The following SCAI variants were observed in gnomAD, a reference collection of about 807,000 sequenced individuals.
SCAI encodes suppressor of cancer cell invasion, also known as protein SCAI.
Under a neutral mutation model 92.2 loss-of-function variants are expected in SCAI, and 24 were observed. The observed-to-expected ratio is 0.26, with a 90% CI of 0.19 to 0.37. The LOEUF (loss-of-function observed/expected upper bound fraction) is 0.37, where lower values mean the gene tolerates loss of function less well. Among genes scored for constraint, SCAI ranks in the 10% least tolerant of loss-of-function variants. SCAI has a pLI of 1.00. For synonymous variants in SCAI, 261 were observed against 258.6 expected (o/e 1.01, Z -0.09); for missense variants, 450 against 736.2 (o/e 0.61, Z 4.50).
chr9:124,959,125 G>C (rs543103787), intron 17 of SCAI, among the ~76,000 whole-genome samples: 1 of 151,522 alleles, frequency 6.6e-6, no homozygotes, highest in East Asian at 1.9e-4. Flanking sequence ...TGTTCAATGG[G>C]AGGGATAGCA....
At chr9:124,968,820 A>G in intron 17 of SCAI, 1 of 689,448 alleles carries the variant, frequency 1.5e-6, no homozygotes, top group East Asian at 2.7e-5. Flanking sequence ...GCAGCCATAG[A>G]GCGGGGCCAA....
At chr9:125,046,668 C>T (rs1385478439) in intron 3 of SCAI, among the ~76,000 whole-genome samples, 1 of 148,042 alleles carries the variant, frequency 6.8e-6, no homozygotes, top group Non-Finnish European at 1.5e-5. Context: ...ATTCATGTAA[C>T]CAAACACACC....
chr9:124,968,507 T>C, intron 17 of SCAI: 1 of 866,412 alleles, frequency 1.2e-6, no homozygotes, highest in Non-Finnish European at 2.0e-6. Flanking sequence ...CGTAGGTTGC[T>C]AGATCTCTAC....
At chr9:125,063,544 A>G (rs896592766) in intron 2 of SCAI, among the ~76,000 whole-genome samples, 2 of 152,170 alleles carry the variant, frequency 1.3e-5, no homozygotes, top group African/African-American at 4.8e-5. Flanking sequence ...GGATTTAAGA[A>G]AAAAAACTGA....
At chr9:125,030,912 A>G (rs1229401133) in intron 3 of SCAI, among the ~76,000 whole-genome samples, 2 of 152,234 alleles carry the variant, frequency 1.3e-5, no homozygotes, top group Non-Finnish European at 2.9e-5. Flanking sequence ...AGATTGAAAG[A>G]TACAACAATT....
intron 2 of SCAI, among the ~76,000 whole-genome samples, chr9:125,104,800 A>G (rs1281907248): frequency 6.6e-6 from 1 of 151,986 alleles, no homozygotes; most frequent in Non-Finnish European, 1.5e-5. Flanking sequence ...ACTACTAAAA[A>G]TACAAAAATT....
intron 3 of SCAI, among the ~76,000 whole-genome samples, chr9:125,052,641 A>T (rs1028152114): frequency 6.6e-6 from 1 of 152,160 alleles, no homozygotes; most frequent in African/African-American, 2.4e-5. Context: ...AGAAAGAAAG[A>T]AAGTAAAAGA....
chr9:125,053,570 T>C (rs576881565), intron 3 of SCAI, among the ~76,000 whole-genome samples: 76 of 152,306 alleles, frequency 5.0e-4, no homozygotes, highest in African/African-American at 1.7e-3. Flanking sequence ...CCACATATTG[T>C]ATGATTCCAA....
At chr9:125,102,794 C>T (rs1434309552) in intron 2 of SCAI, among the ~76,000 whole-genome samples, 3 of 152,054 alleles carry the variant, frequency 2.0e-5, no homozygotes, top group East Asian at 1.9e-4. Flanking sequence ...GGCGGGGTTT[C>T]GCCATGTTGG....
intron 2 of SCAI, among the ~76,000 whole-genome samples, chr9:125,134,016 C>A (rs954766865): frequency 6.6e-6 from 1 of 152,204 alleles, no homozygotes; most frequent in Non-Finnish European, 1.5e-5. Context: ...TTGAGAACCA[C>A]CCCTTAGTCT....
At chr9:125,097,930 CAAG>C (rs1834593828) in intron 2 of SCAI, among the ~76,000 whole-genome samples, 1 of 150,772 alleles carries the variant, frequency 6.6e-6, no homozygotes, top group Non-Finnish European at 1.5e-5. Flanking sequence ...AGAATGTATA[CAAG>C]AATATGAATA....
intron 2 of SCAI, among the ~76,000 whole-genome samples, chr9:125,096,213 A>C (rs539526125): frequency 1.3e-5 from 2 of 152,222 alleles, no homozygotes; most frequent in African/African-American, 2.4e-5. Flanking sequence ...CATGTCTTAC[A>C]TGGATGGCAG....
intron 2 of SCAI, among the ~76,000 whole-genome samples, chr9:125,124,595 C>T (rs1014059309): frequency 6.6e-6 from 1 of 152,202 alleles, no homozygotes; most frequent in Non-Finnish European, 1.5e-5. Flanking sequence ...GCCAGGTCTT[C>T]AAATGATTGG....
At chr9:125,001,472 A>G (rs576875304) in intron 12 of SCAI, among the ~76,000 whole-genome samples, 2 of 152,338 alleles carry the variant, frequency 1.3e-5, no homozygotes, top group East Asian at 3.9e-4. Flanking sequence ...AACAAAATAA[A>G]GGACAGAAAA....
intron 2 of SCAI, among the ~76,000 whole-genome samples, chr9:125,089,767 C>G (rs1470886303): frequency 1.3e-5 from 2 of 152,054 alleles, no homozygotes; most frequent in East Asian, 3.8e-4. Context: ...TGTAGTGGCA[C>G]AATCACAGCT....
intron 3 of SCAI, among the ~76,000 whole-genome samples, chr9:125,032,195 A>ATATTTTTTTT (rs1177865840): frequency 1.6e-4 from 16 of 99,442 alleles, no homozygotes; most frequent in African/African-American, 6.7e-4. Flanking sequence ...ATATATATAT[A>ATATTTTTTTT]TTTTTTTTTT....
rs1011931135 is a variant in SCAI at position 125,091,025 on chromosome 9, G to A, written c.99-35018C>T. Among the ~76,000 whole-genome samples, 1 of 152,190 alleles carries A rather than the reference G, an allele frequency of 6.6e-6. No homozygotes were observed. The highest frequency in any genetic ancestry group is 2.4e-5 in the African/African-American group (1 of 41,438). On this transcript the variant is annotated intron_variant, in intron 2 of 17. Coordinates refer to ENST00000336505, the MANE Select transcript of SCAI (RefSeq NM_001144877.3). This position sits in a 1 kb window ranked among gnomAD's most constrained non-coding sequence, Gnocchi z 4.3. ...TCCAGCTACTCCGGAGGCTGAGGCAGGAGAATAGGTGAACCCGGGAGGCGG... is the reference window on the plus strand; with the variant it reads ...TCCAGCTACTCCGGAGGCTGAGGCAAGAGAATAGGTGAACCCGGGAGGCGG...
chr9:125,136,115 C>CA (rs1835520290), intron 2 of SCAI, among the ~76,000 whole-genome samples: 1 of 142,118 alleles, frequency 7.0e-6, no homozygotes, highest in African/African-American at 2.6e-5. Flanking sequence ...ATTAACTTAC[C>CA]TTTTTTTTTT....
chr9:125,138,461 C>G (rs996809483), intron 2 of SCAI, among the ~76,000 whole-genome samples: 1 of 151,728 alleles, frequency 6.6e-6, no homozygotes, highest in African/African-American at 2.4e-5. Context: ...GTCGCCCAGG[C>G]TGGAGTGCAG....
Sources: allele counts gnomAD v4.1 joint callset (sites outside exome capture counted in the v4.1 genomes callset), GRCh38; gene constraint gnomAD v4.1.1; non-coding constraint Gnocchi (gnomAD v3.1); transcripts MANE v1.5; gene names NCBI Gene and HGNC (gene_info 2026-07-23, HGNC 2026-07-21).